The following MAGI2 variants were observed in gnomAD, a reference collection of about 807,000 sequenced individuals.
The protein encoded by MAGI2 is membrane associated guanylate kinase, WW and PDZ domain containing 2, also known as membrane-associated guanylate kinase, WW and PDZ domain-containing protein 2.
Under a neutral mutation model 133.3 loss-of-function variants are expected in MAGI2, and 35 were observed. The observed-to-expected ratio is 0.26, with a 90% CI of 0.20 to 0.35. The LOEUF is 0.35. Among genes scored for constraint, MAGI2 ranks in the 10% least tolerant of loss-of-function variants. The pLI is 1.00. For synonymous variants in MAGI2, 729 were observed against 710.6 expected (o/e 1.03, Z -0.41); for missense variants, 1,636 against 1,863.4 (o/e 0.88, Z 2.25).
chr7:79,014,229 G>T (rs759288948), intron 1 of MAGI2, among the ~76,000 whole-genome samples: 1 of 152,042 alleles, frequency 6.6e-6, no homozygotes, highest in South Asian at 2.1e-4. Context: ...TGTACAGATG[G>T]GATATTATTA....
At chr7:78,311,920 G>A (rs755896194) in intron 9 of MAGI2, among the ~76,000 whole-genome samples, 5 of 151,996 alleles carry the variant, frequency 3.3e-5, no homozygotes, top group East Asian at 1.9e-4. Context: ...ACAGGTGCGC[G>A]CCACCACGCC....
intron 1 of MAGI2, among the ~76,000 whole-genome samples, chr7:79,192,852 C>T (rs911603504): frequency 6.6e-6 from 1 of 151,834 alleles, no homozygotes; most frequent in African/African-American, 2.4e-5. Flanking sequence ...TACAATCTCA[C>T]TCTGTCTCTT....
chr7:79,028,316 CACATATATAT>C (rs1810202536), intron 1 of MAGI2, among the ~76,000 whole-genome samples: 1 of 122,812 alleles, frequency 8.1e-6, no homozygotes, highest in African/African-American at 3.2e-5. Flanking sequence ...TATATATACA[CACATATATAT>C]ACATATATAT....
intron 6 of MAGI2, among the ~76,000 whole-genome samples, chr7:78,430,048 T>C (rs1184615666): frequency 6.6e-6 from 1 of 152,228 alleles, no homozygotes; most frequent in Middle Eastern, 3.4e-3. Flanking sequence ...TCCCACACTT[T>C]AATGTGTGTA....
At chr7:79,293,197 T>C (rs569326766) in intron 1 of MAGI2, among the ~76,000 whole-genome samples, 106 of 152,302 alleles carry the variant, frequency 7.0e-4, no homozygotes, top group African/African-American at 2.5e-3. Flanking sequence ...GAAATCTTTG[T>C]AAGCCTGACT....
intron 2 of MAGI2, among the ~76,000 whole-genome samples, chr7:78,943,997 A>T (rs759083868): frequency 2.6e-5 from 4 of 152,186 alleles, no homozygotes; most frequent in Non-Finnish European, 4.4e-5. Flanking sequence ...AGAAAGTTTC[A>T]CATCATTTTT....
At chr7:78,454,579 A>G (rs1010833998) in intron 6 of MAGI2, among the ~76,000 whole-genome samples, 3 of 152,198 alleles carry the variant, frequency 2.0e-5, no homozygotes, top group Non-Finnish European at 2.9e-5. Context: ...ATTTATCCAA[A>G]TGAGTTCAAA....
chr7:78,920,594 C>G (rs1799146907), intron 2 of MAGI2, among the ~76,000 whole-genome samples: 1 of 152,024 alleles, frequency 6.6e-6, no homozygotes, highest in Non-Finnish European at 1.5e-5. Context: ...GAAATAGTCT[C>G]TATGTTCTGT....
chr7:78,415,112 T>C (rs1798183894), intron 6 of MAGI2, among the ~76,000 whole-genome samples: 1 of 152,096 alleles, frequency 6.6e-6, no homozygotes, highest in African/African-American at 2.4e-5. Context: ...ATCCAAGAAT[T>C]ATTTTAAGGT....
chr7:79,119,110 A>G (rs1220712459), intron 1 of MAGI2, among the ~76,000 whole-genome samples: 1 of 152,160 alleles, frequency 6.6e-6, no homozygotes, highest in Non-Finnish European at 1.5e-5. Context: ...CACTGTGCAT[A>G]AATTTAATTG....
chr7:78,746,230 T>G (rs1822915577), intron 2 of MAGI2, among the ~76,000 whole-genome samples: 1 of 152,192 alleles, frequency 6.6e-6, no homozygotes, highest in African/African-American at 2.4e-5. Flanking sequence ...ACTTAAAGTT[T>G]TTGAAGAGCC....
At chr7:78,294,855 C>T (rs545490942) in intron 9 of MAGI2, among the ~76,000 whole-genome samples, 5 of 152,234 alleles carry the variant, frequency 3.3e-5, no homozygotes, top group African/African-American at 7.2e-5. Context: ...AAAAAAATTT[C>T]GGTACAATAG....
chr7:78,857,251 T>G (rs905246704), intron 2 of MAGI2, among the ~76,000 whole-genome samples: 1 of 152,168 alleles, frequency 6.6e-6, no homozygotes, highest in East Asian at 1.9e-4. Context: ...TATTTCTTTC[T>G]CCTATCTGAT....
At chr7:79,132,455 C>T (rs1821019505) in intron 1 of MAGI2, among the ~76,000 whole-genome samples, 1 of 152,130 alleles carries the variant, frequency 6.6e-6, no homozygotes, top group Non-Finnish European at 1.5e-5. Flanking sequence ...ATCCAAGATG[C>T]TGCAATAGAC....
chr7:79,252,156 CAA>C (rs1208897198), intron 1 of MAGI2, among the ~76,000 whole-genome samples: 58 of 102,550 alleles, frequency 5.7e-4, no homozygotes, highest in African/African-American at 2.1e-3. Context: ...GACCCTGTCT[CAA>C]AAAAAAAAAA....
chr7:78,124,861 C>CTTTTTTTTTTTTTTTTTTTTTT (rs10707820), intron 20 of MAGI2, among the ~76,000 whole-genome samples: 1 of 137,430 alleles, frequency 7.3e-6, no homozygotes. Context: ...TAGCTGCTGT[C>CTTTTTTTTTTTTTTTTTTTTTT]TTTTTTTTTT....
chr7:78,273,924 A>G (rs114991232), intron 9 of MAGI2, among the ~76,000 whole-genome samples: 4,279 of 152,128 alleles, frequency 0.028, 198 homozygotes, highest in African/African-American at 0.098. Context: ...TACCTTCTGA[A>G]GTGTACTTCT....
In MAGI2 at chr7:78,127,227, C is replaced by G. The variant is rs1226951779; in HGVS notation, c.3393G>C (p.Gln1131His). The G allele has an allele frequency of 1.2e-6, 2 of 1,601,728 alleles. No homozygotes were observed. Among genetic ancestry groups the G allele is most frequent in the East Asian group, 4.5e-5 (2 of 44,736 alleles). ...DYRQHSPDTRQYPLSDYRQPQ... is the reference protein window; with the variant it reads ...DYRQHSPDTRHYPLSDYRQPQ... ...GTTGTCTGTAGTCCGACAGAGGGTA[C>G]TGCCTGGTGTCGGGGGAGTGCTGCC... The change falls in exon 19 of 22, where the codon CAG becomes CAC. Residue 1131 changes from glutamine (Q) to histidine (H), a missense_variant. Physicochemically the swap from Gln to His is conservative, Grantham distance 24. Transcript: ENST00000354212.
chr7:79,015,930 C>G (rs1417808689), intron 1 of MAGI2, among the ~76,000 whole-genome samples: 2 of 141,594 alleles, frequency 1.4e-5, no homozygotes, highest in African/African-American at 5.3e-5. Context: ...GATACTGGGT[C>G]AAAGGGGCAG....
Sources: allele counts gnomAD v4.1 joint callset (sites outside exome capture counted in the v4.1 genomes callset), GRCh38; gene constraint gnomAD v4.1.1; transcripts MANE v1.5; gene names NCBI Gene and HGNC (gene_info 2026-07-23, HGNC 2026-07-21).